IL1RAPL1: variants seen among roughly 807,000 people sequenced by gnomAD.
IL1RAPL1 encodes the protein interleukin 1 receptor accessory protein like 1.
In IL1RAPL1, 3 loss-of-function variants were observed where a neutral mutation model predicts 48.4. That is an observed-to-expected ratio of 0.06 (90% CI 0.03 to 0.16). IL1RAPL1 has a LOEUF of 0.16. IL1RAPL1 is among the 10% of genes least tolerant of loss of function. The pLI, the probability that IL1RAPL1 is intolerant of heterozygous loss-of-function variation, is 1.00. For synonymous variants in IL1RAPL1, 185 were observed against 187.7 expected, an observed-to-expected ratio of 0.99 and a Z score of 0.12; for missense variants, 349 against 530.6, an observed-to-expected ratio of 0.66 and a Z score of 3.36.
At chrX:28,716,091 A>T (rs1239194086) in intron 1 of IL1RAPL1, among the ~76,000 whole-genome samples, 1 of 112,283 alleles carries the variant, frequency 8.9e-6, no homozygotes, top group Non-Finnish European at 1.9e-5. Flanking sequence ...AACACACATG[A>T]TTATCTCAAT....
chrX:29,179,128 T>G (rs1294718068), intron 2 of IL1RAPL1, among the ~76,000 whole-genome samples: 1 of 110,890 alleles, frequency 9.0e-6, no homozygotes, highest in Non-Finnish European at 1.9e-5. Flanking sequence ...TCCAATTCTG[T>G]GAAGGAAGTC....
At chrX:29,139,045 G>A (rs1482192220) in intron 2 of IL1RAPL1, among the ~76,000 whole-genome samples, 1 of 111,566 alleles carries the variant, frequency 9.0e-6, no homozygotes, top group Non-Finnish European at 1.9e-5. Context: ...TGGGAAAAGT[G>A]CTCTGTATTT....
chrX:28,966,642 T>A (rs951953566), intron 2 of IL1RAPL1, among the ~76,000 whole-genome samples: 2 of 111,916 alleles, frequency 1.8e-5, no homozygotes, highest in African/African-American at 6.5e-5. Flanking sequence ...ATGTATCAAT[T>A]AAGCAAACCC....
At chrX:29,166,178 C>T (rs767263098) in intron 2 of IL1RAPL1, among the ~76,000 whole-genome samples, 2 of 112,103 alleles carry the variant, frequency 1.8e-5, no homozygotes, top group South Asian at 3.7e-4. Flanking sequence ...TGCTGGAAGA[C>T]GGTCAGATGT....
intron 5 of IL1RAPL1, among the ~76,000 whole-genome samples, chrX:29,613,924 C>T (rs943834155): frequency 2.8e-5 from 3 of 107,672 alleles, no homozygotes; most frequent in Non-Finnish European, 3.8e-5. Context: ...CCACCACGCC[C>T]GGCTAATTTT....
intron 2 of IL1RAPL1, among the ~76,000 whole-genome samples, chrX:29,000,105 C>A (rs1159728491): frequency 9.0e-6 from 1 of 111,063 alleles, no homozygotes; most frequent in East Asian, 2.8e-4. Flanking sequence ...GAAAACCTTG[C>A]CTTTATCAAA....
rs761095391 is a variant in IL1RAPL1, at chrX:28,753,919, G to GGAGA, written c.-24-35382_-24-35379dup. Among the ~76,000 whole-genome samples the GGAGA allele has an allele frequency of 2.5e-3, 261 of 104,414 alleles. 1 individual carries two copies. Among genetic ancestry groups the GGAGA allele is most frequent in the African/African-American group, 8.1e-3 (232 of 28,528 alleles). 90.7% of individuals were successfully genotyped at this position (104,414 alleles called of 115,157 possible). A position where few individuals can be genotyped will look rare whatever the true frequency, so the allele number is the denominator to read the frequency against. The stretch of plus-strand genomic sequence containing the variant: ...GGCAGGGAGGGAAGGAAGGAGGGAG[G>GGAGA]GAGAGAGAGAGAGAGAGAGAGACAG... On this transcript the variant is annotated intron_variant, in intron 1 of 10. Transcript: ENST00000378993.
intron 6 of IL1RAPL1, among the ~76,000 whole-genome samples, chrX:29,701,920 A>C (rs909240067): frequency 8.9e-6 from 1 of 111,846 alleles, no homozygotes; most frequent in East Asian, 2.8e-4. Context: ...TCACAGAGTA[A>C]ATGTGAGCCA....
chrX:29,413,510 C>G (rs1194850044), intron 5 of IL1RAPL1, among the ~76,000 whole-genome samples: 1 of 92,576 alleles, frequency 1.1e-5, no homozygotes, highest in Non-Finnish European at 2.1e-5. Context: ...CCCCCTACCC[C>G]CACCCCACAA....
At chrX:29,269,412 A>G (rs1282411855) in intron 2 of IL1RAPL1, among the ~76,000 whole-genome samples, 3 of 111,190 alleles carry the variant, frequency 2.7e-5, no homozygotes, top group Admixed American at 9.6e-5. Context: ...AAATTTATCA[A>G]TCCTTTAAAA....
chrX:29,731,497 G>A, intron 6 of IL1RAPL1, among the ~76,000 whole-genome samples: 1 of 112,133 alleles, frequency 8.9e-6, no homozygotes. Context: ...CTCTGATCTA[G>A]GTGTCTATCT....
intron 1 of IL1RAPL1, among the ~76,000 whole-genome samples, chrX:28,733,465 A>G (rs911842908): frequency 9.0e-6 from 1 of 110,603 alleles, no homozygotes; most frequent in African/African-American, 3.3e-5. Flanking sequence ...ATTCCTACCA[A>G]GGTCCCGAAT....
At chrX:29,462,223 A>G (rs1049428523) in intron 5 of IL1RAPL1, among the ~76,000 whole-genome samples, 1 of 111,642 alleles carries the variant, frequency 9.0e-6, no homozygotes, top group African/African-American at 3.3e-5. Flanking sequence ...GAAACTTTTT[A>G]CAGTGAAACT....
rs1032290700 is a variant in IL1RAPL1, at chrX:29,800,772, G to A, written c.779-116692G>A. Among the ~76,000 whole-genome samples, 5 of 98,288 alleles carry A rather than the reference G, an allele frequency of 5.1e-5. No individual in the cohort carries two copies. In the East Asian group the frequency reaches 9.5e-4, roughly 19 times the overall value. 85.4% of individuals were successfully genotyped at this position (98,288 alleles called of 115,157 possible). ...GACCGAGGTGGGCGGATCACCTGAC[G>A]TCAGGAGTTCGAGACCAGCCTGACC... is the stretch of plus-strand genomic sequence containing the variant. On this transcript the variant is annotated intron_variant, in intron 6 of 10. Coordinates refer to ENST00000378993, the MANE Select transcript of IL1RAPL1 (RefSeq NM_014271.4).
Position 29,955,652 on chromosome X carries a change from C to T in IL1RAPL1, c.1923C>T (p.Thr641=). 1 of 1,211,208 alleles carries T rather than the reference C, an allele frequency of 8.3e-7. No individual in the cohort carries two copies. The highest frequency in any genetic ancestry group is 1.1e-6 in the Non-Finnish European group (1 of 895,062). The change falls in exon 11 of 11, where the codon ACC becomes ACT. Residue 641 remains threonine (T), a synonymous_variant. Transcript: ENST00000378993. ...DVPPTGTLPL[T]SIGNQHTYCN... ...CTCCTACCGGCACCCTGCCTCTTAC[C>T]TCCATAGGCAATCAGCATACCTACT...
intron 2 of IL1RAPL1, among the ~76,000 whole-genome samples, chrX:29,250,026 G>A (rs1481127405): frequency 8.9e-6 from 1 of 111,795 alleles, no homozygotes; most frequent in African/African-American, 3.2e-5. Flanking sequence ...TACTTGAAGT[G>A]TTAAAGTGAT....
chrX:28,949,893 CG>C (rs1254030736), intron 2 of IL1RAPL1, among the ~76,000 whole-genome samples: 2 of 109,474 alleles, frequency 1.8e-5, no homozygotes, highest in Non-Finnish European at 3.8e-5. Flanking sequence ...GTAGGTTGCC[CG>C]TTCACTCTGA....
At chrX:29,800,334 T>C (rs1929843994) in intron 6 of IL1RAPL1, among the ~76,000 whole-genome samples, 1 of 110,973 alleles carries the variant, frequency 9.0e-6, no homozygotes. Context: ...CCATAATTCC[T>C]TCCTTATCCC....
intron 5 of IL1RAPL1, among the ~76,000 whole-genome samples, chrX:29,632,901 T>A (rs768722394): frequency 6.2e-5 from 7 of 112,424 alleles, no homozygotes; most frequent in African/African-American, 2.3e-4. Context: ...GCAAGATACC[T>A]AACCTTCAGA....
Sources: gnomAD v4.1 joint callset for allele counts (sites outside exome capture counted in the v4.1 genomes callset) on GRCh38, gnomAD v4.1.1 for gene constraint, MANE v1.5 for transcripts, NCBI Gene and HGNC (gene_info 2026-07-23, HGNC 2026-07-21) for gene names.